Variants in LASP1 observed in about 807,000 individuals in gnomAD.
LASP1 encodes the protein LIM and SH3 domain protein 1.
A neutral mutation model predicts 38.6 loss-of-function variants in LASP1; 10 were observed. That is an observed-to-expected ratio of 0.26 (90% CI 0.16 to 0.44). The LOEUF (loss-of-function observed/expected upper bound fraction) is 0.44. LASP1 is among the 20% of genes least tolerant of loss of function. LASP1 has a pLI of 1.00. For synonymous variants in LASP1, 132 were observed against 140.8 expected, an observed-to-expected ratio of 0.94 and a Z score of 0.44; for missense variants, 243 against 375.7, an observed-to-expected ratio of 0.65 and a Z score of 2.92.
chr17:38,919,038 G>GCGA lies in LASP1; in HGVS notation c.*260_*261insCGA. 1 of 530,712 alleles carries GCGA rather than the reference G, an allele frequency of 1.9e-6. No homozygotes were observed. Among genetic ancestry groups the GCGA allele is most frequent in the Non-Finnish European group, 3.4e-6 (1 of 294,244 alleles). The allele number at this position is 530,712 out of a possible 1,614,324, so 32.9% of individuals were successfully genotyped here. ...GGCATGGGCCTCTCTGGGGGAGGCA[G>GCGA]GGCTGGAATGGGAGACCTGTTGGCC... On this transcript the variant is annotated 3_prime_UTR_variant, in exon 7 of 7. Coordinates refer to ENST00000318008, the MANE Select transcript of LASP1 (RefSeq NM_006148.4).
intron 1 of LASP1, 79 bp from the exon 2 acceptor site, chr17:38,878,007 G>C: frequency 1.9e-6 from 2 of 1,030,672 alleles, no homozygotes; most frequent in South Asian, 2.6e-5. Flanking sequence ...AGCAGCTCCT[G>C]AGTGCCCCTT....
intron 4 of LASP1, among the ~76,000 whole-genome samples, chr17:38,906,854 G>C (rs565815915): frequency 6.6e-6 from 1 of 152,158 alleles, no homozygotes; most frequent in Non-Finnish European, 1.5e-5. Context: ...CTGGACCCCT[G>C]AACCCACATG....
At chr17:38,913,837 ATT>A (rs1567705423) in intron 4 of LASP1, among the ~76,000 whole-genome samples, 1 of 151,434 alleles carries the variant, frequency 6.6e-6, no homozygotes, top group Non-Finnish European at 1.5e-5. Flanking sequence ...CCCTGTCTCT[ATT>A]AAAATACAAA....
Position 38,918,725 on chromosome 17 carries a change from G to A in LASP1, c.733G>A (p.Glu245Lys). 1 of 1,614,140 alleles carries A rather than the reference G, an allele frequency of 6.2e-7. No homozygotes were observed. Among genetic ancestry groups the A allele is most frequent in the Non-Finnish European group, 8.5e-7 (1 of 1,180,010 alleles). ...IDDGWMYGTV[E>K]RTGDTGMLPA... ...CGACGGCTGGATGTACGGGACGGTG[G>A]AGCGCACCGGCGACACGGGGATGCT... The change falls in exon 7 of 7, where the codon GAG becomes AAG. Residue 245 changes from glutamate to lysine, a missense_variant. Glu to Lys is a moderately conservative substitution (Grantham distance 56). Around this residue, in one of 4 missense-constraint regions of LASP1, gnomAD observed 165 missense variants for 210.3 expected, o/e 0.78. Coordinates refer to ENST00000318008, the MANE Select transcript of LASP1 (RefSeq NM_006148.4). This position sits in a 1 kb window ranked among gnomAD's most constrained non-coding sequence, Gnocchi z 4.4.
intron 3 of LASP1, among the ~76,000 whole-genome samples, chr17:38,892,551 GACAC>G (rs530593526): frequency 0.02 from 2,914 of 143,590 alleles, 53 homozygotes; most frequent in South Asian, 0.051. Flanking sequence ...GGTCTTTGGA[GACAC>G]ACACACACAC....
intron 3 of LASP1, among the ~76,000 whole-genome samples, chr17:38,898,108 C>T (rs188513273): frequency 3.3e-5 from 5 of 152,252 alleles, no homozygotes. Context: ...TTTCCTGATC[C>T]GTAAATTGGA....
rs754721912 is a variant in LASP1 at position 38,919,567 on chromosome 17, C to T, written c.*789C>T. The T allele has an allele frequency of 2.3e-4, 58 of 248,578 alleles. No individual in the cohort carries two copies. The highest frequency in any genetic ancestry group is 4.4e-4 in the Non-Finnish European group (56 of 126,092). The allele number at this position is 248,578 out of a possible 1,614,324, so 15.4% of individuals were successfully genotyped here. ...TCCGCAGCCCCTTTCCCCACGCCCA[C>T]CCCCAGTCTCCAGGGACCCTTGCCT... On this transcript the variant is annotated 3_prime_UTR_variant, in exon 7 of 7. Coordinates refer to ENST00000318008, the MANE Select transcript of LASP1 (RefSeq NM_006148.4).
chr17:38,901,503 A>T (rs1456975816), intron 4 of LASP1, among the ~76,000 whole-genome samples: 1 of 152,162 alleles, frequency 6.6e-6, no homozygotes, highest in Admixed American at 6.5e-5. Flanking sequence ...AGTCTGTCGG[A>T]TATGGGCCTC....
chr17:38,902,253 A>C (rs1489967122), intron 4 of LASP1, among the ~76,000 whole-genome samples: 1 of 149,946 alleles, frequency 6.7e-6, no homozygotes, highest in African/African-American at 2.5e-5. Flanking sequence ...CAGAGACACT[A>C]TCTTGCTATG....
chr17:38,900,799 G>A (rs375451700), intron 4 of LASP1, among the ~76,000 whole-genome samples: 4 of 152,234 alleles, frequency 2.6e-5, no homozygotes, highest in African/African-American at 9.6e-5. Context: ...AGCAGGGGAT[G>A]CCTAGGGCGG....
rs1915281016 is a variant in LASP1 at position 38,920,890 on chromosome 17, G to A, written c.*2112G>A. 1 of 232,516 alleles carries A rather than the reference G, an allele frequency of 4.3e-6. No individual in the cohort carries two copies. Among genetic ancestry groups the A allele is most frequent in the Non-Finnish European group, 8.5e-6 (1 of 117,398 alleles). 14.4% of individuals were successfully genotyped at this position (232,516 alleles called of 1,614,324 possible). Reference sequence around the variant, plus strand: ...ATGTGGATTTGGGGACCAAAGGTCAGGGACACATCCCCTTAGAGGACCTGA... The same window carrying A: ...ATGTGGATTTGGGGACCAAAGGTCAAGGACACATCCCCTTAGAGGACCTGA... On this transcript the variant is annotated 3_prime_UTR_variant, in exon 7 of 7. Coordinates refer to ENST00000318008, the MANE Select transcript of LASP1 (RefSeq NM_006148.4).
At chr17:38,909,125 G>C (rs558579049) in intron 4 of LASP1, among the ~76,000 whole-genome samples, 7 of 152,192 alleles carry the variant, frequency 4.6e-5, no homozygotes, top group African/African-American at 1.2e-4. Context: ...GCCTGAGCCC[G>C]TCTGGGAAGG....
intron 4 of LASP1, among the ~76,000 whole-genome samples, chr17:38,900,587 C>T (rs1193380625): frequency 1.3e-5 from 2 of 151,980 alleles, no homozygotes; most frequent in African/African-American, 2.4e-5. Context: ...ACAGAAGAAC[C>T]GCTTGAACTC....
chr17:38,877,407 C>T (rs35203540), intron 1 of LASP1, among the ~76,000 whole-genome samples: 12,998 of 152,194 alleles, frequency 0.085, 859 homozygotes, highest in East Asian at 0.38. Flanking sequence ...GCCGGGTGCT[C>T]TCCTGCCCTC....
intron 2 of LASP1, among the ~76,000 whole-genome samples, chr17:38,883,739 C>CTTTTTTTTT (rs60761350): frequency 7.8e-6 from 1 of 128,352 alleles, no homozygotes; most frequent in Non-Finnish European, 1.7e-5. Flanking sequence ...CAGGGGCAGG[C>CTTTTTTTTT]TTTTTTTTTT....
At chr17:38,895,146 T>A (rs1483133074) in intron 3 of LASP1, among the ~76,000 whole-genome samples, 1 of 152,078 alleles carries the variant, frequency 6.6e-6, no homozygotes, top group Non-Finnish European at 1.5e-5. Flanking sequence ...TTTCGCTCAA[T>A]AAATTTTGTA....
At chr17:38,872,236 A>G (rs1913631946) in intron 1 of LASP1, among the ~76,000 whole-genome samples, 1 of 152,020 alleles carries the variant, frequency 6.6e-6, no homozygotes, top group African/African-American at 2.4e-5. Flanking sequence ...AGTGCTAAAG[A>G]GGGTGCTGTA....
intron 2 of LASP1, among the ~76,000 whole-genome samples, chr17:38,879,161 C>G (rs79485236): frequency 8.1e-6 from 1 of 123,712 alleles, no homozygotes; most frequent in Admixed American, 9.0e-5. Flanking sequence ...TTTTAATTTG[C>G]TTTTTTTTTT....
chr17:38,898,863 G>C (rs775351037), intron 4 of LASP1: 8 of 415,116 alleles, frequency 1.9e-5, no homozygotes, highest in Admixed American at 1.9e-4. Flanking sequence ...GGTCAAAACT[G>C]GGGGGCGGGG....
Sources: allele counts gnomAD v4.1 joint callset (sites outside exome capture counted in the v4.1 genomes callset), GRCh38; gene constraint gnomAD v4.1.1; regional missense constraint gnomAD v4.1.1; non-coding constraint Gnocchi (gnomAD v3.1); transcripts MANE v1.5; gene names NCBI Gene and HGNC (gene_info 2026-07-23, HGNC 2026-07-21).